The following HMGA2 variants were observed in gnomAD, a reference collection of about 807,000 sequenced individuals.
HMGA2 encodes high mobility group protein HMGI-C.
HMGA2 carries 8 observed loss-of-function variants against 19.1 expected under a neutral mutation model. The observed-to-expected ratio is 0.42, with a 90% CI of 0.25 to 0.76. HMGA2 has a LOEUF of 0.76. HMGA2 is among the 30% of genes least tolerant of loss of function. The pLI is 0.28. For synonymous variants in HMGA2, 60 were observed against 48.8 expected (o/e 1.23, Z -0.96); for missense variants, 109 against 136.3 (o/e 0.80, Z 1.00).
rs528210973 is a variant in HMGA2, at chr12:65,859,268, G to A, written c.249+20699G>A. On this transcript the variant is annotated intron_variant, in intron 3 of 4. Transcript: ENST00000403681. ...TTCACTCCCCAAAGTGTCCTAATTT[G>A]GAGAGTAAGTTGTATGATCACCCTA... The A allele has an allele frequency of 4.6e-5, 7 of 152,268 alleles. No homozygotes were observed. In the East Asian group the frequency reaches 1.3e-3, roughly 29 times the overall value. 9.4% of individuals were successfully genotyped at this position (152,268 alleles called of 1,614,324 possible).
intron 3 of HMGA2, among the ~76,000 whole-genome samples, chr12:65,936,882 C>T (rs551901790): frequency 6.6e-6 from 1 of 152,214 alleles, no homozygotes; most frequent in East Asian, 1.9e-4. Context: ...CTTTCTGGCC[C>T]CAAAGCCCTG....
chr12:65,861,345 G>A (rs942670894), intron 3 of HMGA2, among the ~76,000 whole-genome samples: 3 of 151,926 alleles, frequency 2.0e-5, no homozygotes, highest in Admixed American at 1.3e-4. Context: ...CCAGCCTGGC[G>A]ACAGAGCAAG....
intron 3 of HMGA2, among the ~76,000 whole-genome samples, chr12:65,854,995 T>A (rs975529946): frequency 6.6e-6 from 1 of 152,160 alleles, no homozygotes; most frequent in Non-Finnish European, 1.5e-5. Flanking sequence ...AACTTACACT[T>A]TTGTACTGCA....
At chr12:65,844,945 C>T (rs985758323) in intron 3 of HMGA2, among the ~76,000 whole-genome samples, 2 of 152,300 alleles carry the variant, frequency 1.3e-5, no homozygotes, top group Admixed American at 1.3e-4. Context: ...ACAGTAATCT[C>T]AATTTTTAAT....
At chr12:65,872,517 G>A (rs1163615719) in intron 3 of HMGA2, among the ~76,000 whole-genome samples, 1 of 152,140 alleles carries the variant, frequency 6.6e-6, no homozygotes, top group South Asian at 2.1e-4. Context: ...GCTTATCTGA[G>A]TGCCATCATA....
chr12:65,838,238 G>A (rs745417667), intron 2 of HMGA2, among the ~76,000 whole-genome samples: 1 of 152,044 alleles, frequency 6.6e-6, no homozygotes, highest in Non-Finnish European at 1.5e-5. Flanking sequence ...TTTTGAAAAA[G>A]CATTTTCATG....
chr12:65,838,648 G>A lies in HMGA2; in HGVS notation c.249+79G>A, dbSNP rs17847172. 1,586 of 1,019,436 alleles carry A rather than the reference G, an allele frequency of 1.6e-3. 22 individuals are homozygous for A. In the East Asian group the frequency reaches 0.029, roughly 19 times the overall value. The allele number at this position is 1,019,436 out of a possible 1,614,324, so 63.1% of individuals were successfully genotyped here. A position where few individuals can be genotyped will look rare whatever the true frequency, so the allele number is the denominator to read the frequency against. ...TATTAAATGAGAAAAGTTTTATTTC[G>A]TCGATTACATGAATTTCCAACTTCT... On this transcript the variant is annotated intron_variant, in intron 3 of 4. Transcript: ENST00000403681.
At chr12:65,837,004 C>G (rs1870760732) in intron 2 of HMGA2, among the ~76,000 whole-genome samples, 2 of 152,140 alleles carry the variant, frequency 1.3e-5, no homozygotes, top group African/African-American at 4.8e-5. Context: ...CCCAGGTCTG[C>G]CACTTACCTG....
intron 3 of HMGA2, among the ~76,000 whole-genome samples, chr12:65,938,335 T>C (rs971356521): frequency 1.3e-5 from 2 of 152,182 alleles, no homozygotes; most frequent in Non-Finnish European, 2.9e-5. Flanking sequence ...TTAAATCAGT[T>C]TGAGTTGGGG....
intron 3 of HMGA2, among the ~76,000 whole-genome samples, chr12:65,848,585 G>A (rs949626271): frequency 6.6e-6 from 1 of 152,132 alleles, no homozygotes; most frequent in Non-Finnish European, 1.5e-5. Context: ...GGCCGGGTGC[G>A]GTGGCTCACG....
At chr12:65,837,565 T>C (rs1870787818) in intron 2 of HMGA2, among the ~76,000 whole-genome samples, 1 of 152,216 alleles carries the variant, frequency 6.6e-6, no homozygotes, top group African/African-American at 2.4e-5. Flanking sequence ...TGAAACAATA[T>C]GTACTAAGTT....
chr12:65,890,884 C>T lies in HMGA2; in HGVS notation c.249+52315C>T, dbSNP rs963428806. 3.9e-5 allele frequency among the ~76,000 whole-genome samples: 6 copies of T among 152,120 alleles called. No homozygotes were observed. In the East Asian group the frequency reaches 5.8e-4, roughly 15 times the overall value. The stretch of plus-strand genomic sequence containing the variant: ...GATCCCTGGTGTGCATCACCGTGCC[C>T]GGCTTTTTTTGCATTTTTTGTAGAG... On this transcript the variant is annotated intron_variant, in intron 3 of 4. Transcript: ENST00000403681.
intron 3 of HMGA2, among the ~76,000 whole-genome samples, chr12:65,895,288 C>T (rs561095936): frequency 2.0e-5 from 3 of 152,088 alleles, no homozygotes; most frequent in Admixed American, 2.0e-4. Context: ...AGGTATTACA[C>T]TTAGGGGCAC....
intron 3 of HMGA2, among the ~76,000 whole-genome samples, chr12:65,932,827 A>G (rs1875762989): frequency 6.6e-6 from 1 of 152,194 alleles, no homozygotes; most frequent in Non-Finnish European, 1.5e-5. Context: ...CTGTCTACAA[A>G]ATTTGTGTTC....
At chr12:65,931,416 C>A (rs1313544086) in intron 3 of HMGA2, among the ~76,000 whole-genome samples, 2 of 152,130 alleles carry the variant, frequency 1.3e-5, no homozygotes, top group Non-Finnish European at 2.9e-5. Flanking sequence ...ACCATCATCT[C>A]ACAACTATGT....
intron 3 of HMGA2, among the ~76,000 whole-genome samples, chr12:65,862,004 C>T (rs1470444507): frequency 6.6e-6 from 1 of 152,002 alleles, no homozygotes; most frequent in African/African-American, 2.4e-5. Flanking sequence ...ACCACCACGC[C>T]CGGCTAATTT....
Position 65,825,154 on chromosome 12 carries a change from G to T in HMGA2, c.-117G>T, listed in dbSNP as rs1870082965. 2.4e-6 allele frequency: 2 copies of T among 829,572 alleles called. No homozygotes were observed. Among genetic ancestry groups the T allele is most frequent in the South Asian group, 3.9e-5 (2 of 50,990 alleles). 51.4% of individuals were successfully genotyped at this position (829,572 alleles called of 1,614,324 possible). A position where few individuals can be genotyped will look rare whatever the true frequency, so the allele number is the denominator to read the frequency against. On this transcript the variant is annotated 5_prime_UTR_variant, in exon 1 of 5. Transcript: ENST00000403681. This position sits in a 1 kb window ranked among gnomAD's most constrained non-coding sequence, Gnocchi z 4.4. Reference sequence around the variant, plus strand: ...AGCAGCCCTCGCAGCCCGCCAGCTCGCGCTCGCCCCGCCGGCGTCCCCAGC... The same window carrying T: ...AGCAGCCCTCGCAGCCCGCCAGCTCTCGCTCGCCCCGCCGGCGTCCCCAGC...
intron 3 of HMGA2, among the ~76,000 whole-genome samples, chr12:65,896,600 G>A (rs1874141084): frequency 6.6e-6 from 1 of 152,176 alleles, no homozygotes; most frequent in African/African-American, 2.4e-5. Flanking sequence ...TTGTGTGCGT[G>A]TGCAGCATGG....
chr12:65,905,370 T>A (rs1176835646), intron 3 of HMGA2, among the ~76,000 whole-genome samples: 2 of 152,192 alleles, frequency 1.3e-5, no homozygotes, highest in African/African-American at 4.8e-5. Context: ...TACGTGTTTA[T>A]CAAGCTTCTT....
Sources: allele counts gnomAD v4.1 joint callset (sites outside exome capture counted in the v4.1 genomes callset), GRCh38; gene constraint gnomAD v4.1.1; non-coding constraint Gnocchi (gnomAD v3.1); transcripts MANE v1.5; gene names NCBI Gene and HGNC (gene_info 2026-07-23, HGNC 2026-07-21).